SLC26A7: variants seen among roughly 807,000 people sequenced by gnomAD.
SLC26A7 encodes anion exchange transporter.
SLC26A7 carries 59 observed loss-of-function variants against 82.5 expected under a neutral mutation model. That is an observed-to-expected ratio of 0.72 (90% CI 0.58 to 0.89). SLC26A7 has a LOEUF of 0.89. Ranked by LOEUF, SLC26A7 falls within the 40% of genes least tolerant of loss-of-function variation. The pLI is 0.00. For missense variants in SLC26A7, 820 were observed against 793.0 expected (o/e 1.03, Z -0.41); for synonymous variants, 271 against 274.3 (o/e 0.99, Z 0.12).
rs931515322 is a variant in SLC26A7 at position 91,368,564 on chromosome 8, G to A, written c.1627-1221G>A. Reference sequence around the variant, plus strand: ...CTCCAGAGTAGCTGGGACTACAGGCGCCCGCCACCACGCCTGGCTAATTTT... The same window carrying A: ...CTCCAGAGTAGCTGGGACTACAGGCACCCGCCACCACGCCTGGCTAATTTT... On this transcript the variant is annotated intron_variant, in intron 14 of 18. Transcript: ENST00000276609. 4.0e-5 allele frequency among the ~76,000 whole-genome samples: 6 copies of A among 151,736 alleles called. No homozygotes were observed. The South Asian group carries it at 6.2e-4, about 16-fold the overall frequency.
chr8:91,237,268 A>AT (rs1477697406), intron 2 of SLC26A7, among the ~76,000 whole-genome samples: 1 of 152,194 alleles, frequency 6.6e-6, no homozygotes, highest in African/African-American at 2.4e-5. Context: ...AACATCATTT[A>AT]TTTTTTGTGT....
chr8:91,392,750 T>C (rs1808437900), intron 16 of SLC26A7, among the ~76,000 whole-genome samples: 1 of 152,160 alleles, frequency 6.6e-6, no homozygotes, highest in Admixed American at 6.5e-5. Flanking sequence ...ACTTGGGACA[T>C]TGAGGAGGTC....
At chr8:91,344,132 C>CT in intron 9 of SLC26A7, 3 of 985,320 alleles carry the variant, frequency 3.0e-6, no homozygotes, top group Non-Finnish European at 3.6e-6. Flanking sequence ...GGCTGTCATA[C>CT]TTTTGTTATA....
At chr8:91,308,574 G>A (rs193079944) in intron 4 of SLC26A7, among the ~76,000 whole-genome samples, 175 of 152,206 alleles carry the variant, frequency 1.1e-3, no homozygotes, top group South Asian at 6.6e-3. Context: ...ACTGTATTCT[G>A]TGGAAATAAG....
intron 15 of SLC26A7, among the ~76,000 whole-genome samples, chr8:91,386,001 G>C (rs889275029): frequency 2.6e-5 from 4 of 151,958 alleles, no homozygotes; most frequent in African/African-American, 7.2e-5. Context: ...ATAAGTTTTT[G>C]ATCAGCTAGT....
At chr8:91,327,666 G>A (rs1160659234) in intron 5 of SLC26A7, among the ~76,000 whole-genome samples, 1 of 152,146 alleles carries the variant, frequency 6.6e-6, no homozygotes, top group Non-Finnish European at 1.5e-5. Context: ...AAGAATTGTA[G>A]ATTGCAGATT....
At chr8:91,232,163 T>C (rs369153354) in intron 2 of SLC26A7, among the ~76,000 whole-genome samples, 60 of 152,370 alleles carry the variant, frequency 3.9e-4, no homozygotes, top group African/African-American at 1.4e-3. Flanking sequence ...AAAGGACTAC[T>C]TTCCTGATAG....
intron 15 of SLC26A7, among the ~76,000 whole-genome samples, chr8:91,385,160 C>G (rs918426386): frequency 2.0e-5 from 3 of 152,038 alleles, no homozygotes; most frequent in Non-Finnish European, 4.4e-5. Context: ...GTAGATAAAG[C>G]CCATCATTTA....
chr8:91,390,308 G>A lies in SLC26A7; in HGVS notation c.1776+870G>A, dbSNP rs144721211. On this transcript the variant is annotated intron_variant, in intron 16 of 18. Transcript: ENST00000276609. ...TTTTTTTTGTATTTTTAGTAGAGAC[G>A]GGGTTTCACCATGCTATCCAGGATG... Among the ~76,000 whole-genome samples, 629 of 151,994 alleles carry A rather than the reference G, an allele frequency of 4.1e-3. 4 individuals carry two copies. Among genetic ancestry groups the A allele is most frequent in the African/African-American group, 0.014 (578 of 41,460 alleles).
At chr8:91,355,603 A>G (rs944628785) in intron 11 of SLC26A7, among the ~76,000 whole-genome samples, 1 of 149,832 alleles carries the variant, frequency 6.7e-6, no homozygotes, top group Non-Finnish European at 1.5e-5. Context: ...CTTGCTTTTT[A>G]TCTCCTTCTG....
rs888407772 is a variant in SLC26A7, at chr8:91,228,931, G to A, written c.-34+9926G>A. On this transcript the variant is annotated intron_variant, in intron 2 of 5. Transcript: ENST00000522862. ...ATAAAATATCCATATCTCACCAAAAGATTTTCATTTTATGTTTCTAAGTGC... is the reference window on the plus strand; with the variant it reads ...ATAAAATATCCATATCTCACCAAAAAATTTTCATTTTATGTTTCTAAGTGC... Among the ~76,000 whole-genome samples the A allele has an allele frequency of 2.0e-5, 3 of 152,178 alleles. No individual in the cohort carries two copies. The East Asian group carries it at 5.8e-4, about 29-fold the overall frequency.
intron 2 of SLC26A7, among the ~76,000 whole-genome samples, chr8:91,281,092 A>G (rs1439043692): frequency 6.6e-6 from 1 of 152,226 alleles, no homozygotes; most frequent in African/African-American, 2.4e-5. Context: ...AAAATTCAGG[A>G]TAATGTTCAG....
At chr8:91,263,147 TAATTAGA>T (rs1409137994) in intron 2 of SLC26A7, among the ~76,000 whole-genome samples, 1 of 152,094 alleles carries the variant, frequency 6.6e-6, no homozygotes, top group African/African-American at 2.4e-5. Context: ...TCTCTGGTCC[TAATTAGA>T]TTCATAATAT....
intron 11 of SLC26A7, among the ~76,000 whole-genome samples, chr8:91,355,636 T>C (rs1340838857): frequency 6.6e-6 from 1 of 152,050 alleles, no homozygotes; most frequent in African/African-American, 2.4e-5. Context: ...TTGTTGATCA[T>C]TCCTTCTTTG....
At chr8:91,317,798 A>G (rs2130807684) in intron 4 of SLC26A7, among the ~76,000 whole-genome samples, 1 of 152,136 alleles carries the variant, frequency 6.6e-6, no homozygotes, top group African/African-American at 2.4e-5. Flanking sequence ...CATTAAACTG[A>G]TTTGAGTGTA....
At chr8:91,330,241 C>T (rs1354418204) in intron 5 of SLC26A7, among the ~76,000 whole-genome samples, 1 of 152,076 alleles carries the variant, frequency 6.6e-6, no homozygotes, top group Admixed American at 6.6e-5. Context: ...TAATTGAGTA[C>T]ATTTTCTTTG....
chr8:91,335,411 G>A (rs954073768), intron 6 of SLC26A7, among the ~76,000 whole-genome samples: 3 of 152,036 alleles, frequency 2.0e-5, no homozygotes, highest in African/African-American at 7.2e-5. Flanking sequence ...ATGTATGTGT[G>A]TATATTTCAA....
intron 2 of SLC26A7, among the ~76,000 whole-genome samples, chr8:91,277,758 A>T (rs1232759322): frequency 1.3e-5 from 2 of 152,232 alleles, no homozygotes; most frequent in Non-Finnish European, 2.9e-5. Flanking sequence ...TTTATAGTTT[A>T]AACTTCACAT....
chr8:91,279,753 G>T (rs1811518207), intron 2 of SLC26A7, among the ~76,000 whole-genome samples: 2 of 151,992 alleles, frequency 1.3e-5, no homozygotes, highest in Admixed American at 1.3e-4. Context: ...TAGAGACGGG[G>T]TTTCACTGTG....
Sources: gnomAD v4.1 joint callset for allele counts (sites outside exome capture counted in the v4.1 genomes callset) on GRCh38, gnomAD v4.1.1 for gene constraint, MANE v1.5 for transcripts, NCBI Gene and HGNC (gene_info 2026-07-23, HGNC 2026-07-21) for gene names.